Variants in TENM4 observed in about 807,000 individuals in gnomAD.
The protein encoded by TENM4 is teneurin-4.
Under a neutral mutation model 243.3 loss-of-function variants are expected in TENM4, and 82 were observed. That is an observed-to-expected ratio of 0.34 (90% CI 0.28 to 0.40). TENM4 has a LOEUF of 0.40. Ranked by LOEUF, TENM4 falls within the 10% of genes least tolerant of loss-of-function variation. The pLI is 1.00. For missense variants in TENM4, 3,138 were observed against 3,673.3 expected, an observed-to-expected ratio of 0.85 and a Z score of 3.77; for synonymous variants, 1,412 against 1,456.3, an observed-to-expected ratio of 0.97 and a Z score of 0.69.
chr11:78,885,794 G>A (rs2136283266), intron 9 of TENM4, among the ~76,000 whole-genome samples: 1 of 152,242 alleles, frequency 6.6e-6, no homozygotes. Context: ...GTGCAGTGGG[G>A]CACAACTGTA....
chr11:79,198,093 T>C (rs776424312), intron 3 of TENM4, among the ~76,000 whole-genome samples: 32 of 152,222 alleles, frequency 2.1e-4, no homozygotes, highest in Non-Finnish European at 4.0e-4. Flanking sequence ...GCCTAGCACA[T>C]TGTTTACTCA....
At chr11:79,087,268 T>G (rs1180353968) in intron 4 of TENM4, among the ~76,000 whole-genome samples, 1 of 152,168 alleles carries the variant, frequency 6.6e-6, no homozygotes, top group East Asian at 1.9e-4. Context: ...TGACTCTGAG[T>G]GCAGAGGTAT....
chr11:79,403,506 G>A (rs1005424823), intron 1 of TENM4, among the ~76,000 whole-genome samples: 2 of 152,178 alleles, frequency 1.3e-5, no homozygotes, highest in Non-Finnish European at 2.9e-5. Flanking sequence ...CAACTCACTA[G>A]TCAAATTTGA....
At chr11:78,823,371 G>A (rs951843719) in intron 12 of TENM4, among the ~76,000 whole-genome samples, 1 of 152,236 alleles carries the variant, frequency 6.6e-6, no homozygotes, top group Non-Finnish European at 1.5e-5. Context: ...CTCAGGCACA[G>A]GCTGAACGGT....
chr11:79,267,929 T>C (rs1314848254), intron 2 of TENM4, among the ~76,000 whole-genome samples: 40 of 152,216 alleles, frequency 2.6e-4, no homozygotes, highest in Admixed American at 2.6e-3. Flanking sequence ...CAATCTAACA[T>C]CCTGCTAGTG....
rs189259726 is a variant in TENM4 at position 79,133,719 on chromosome 11, C to T, written c.-66+14991G>A. 2.0e-5 allele frequency among the ~76,000 whole-genome samples: 3 copies of T among 152,136 alleles called. No individual in the cohort carries two copies. In the East Asian group the frequency reaches 5.8e-4, roughly 29 times the overall value. On this transcript the variant is annotated intron_variant, in intron 4 of 33. Transcript: ENST00000278550. ...TAACATAAGCAAGTCAATAAATGTG[C>T]TACACCACGTAAACAGAATTAAAAA...
intron 6 of TENM4, among the ~76,000 whole-genome samples, chr11:78,912,476 C>T (rs904545542): frequency 5.9e-5 from 9 of 152,164 alleles, no homozygotes; most frequent in African/African-American, 1.4e-4. Flanking sequence ...AGGCTGGTCT[C>T]GAACTCCTGA....
Position 78,903,261 on chromosome 11 carries a change from C to A in TENM4, c.749+7G>T. ...CCTCAGCCTCACCCTCCCTACCGGC[C>A]GCGCACCTGGTCTCCAGGGGGATGT... On this transcript the variant is annotated splice_region_variant and intron_variant, in intron 7 of 33. Coordinates refer to ENST00000278550, the MANE Select transcript of TENM4 (RefSeq NM_001098816.3). The A allele has an allele frequency of 6.7e-7, 1 of 1,489,584 alleles. No homozygotes were observed. The highest frequency in any genetic ancestry group is 1.3e-5 in the South Asian group (1 of 76,258). 92.3% of individuals were successfully genotyped at this position (1,489,584 alleles called of 1,614,324 possible).
At chr11:79,370,983 C>CA (rs1417820235) in intron 1 of TENM4, among the ~76,000 whole-genome samples, 1 of 151,892 alleles carries the variant, frequency 6.6e-6, no homozygotes, top group Non-Finnish European at 1.5e-5. Context: ...GATAAATGGA[C>CA]AAAGGATGTG....
chr11:78,903,430 G>C lies in TENM4; in HGVS notation c.587C>G (p.Ser196Cys). 6.5e-7 allele frequency: 1 copy of C among 1,547,674 alleles called. No homozygotes were observed. The highest frequency in any genetic ancestry group is 8.7e-7 in the Non-Finnish European group (1 of 1,145,194). The change falls in exon 7 of 34, where the codon TCC becomes TGC. Residue 196 changes from serine to cysteine, a missense_variant. Ser to Cys is a moderately radical substitution (Grantham distance 112, BLOSUM62 -1). Transcript: ENST00000278550. ...GTTGCCCCGGTTCAGGGAGTTAATG[G>C]AGGCCGCGTGGTGCTGGTTGGGGGT... The part of the protein sequence containing the change: ...AHTPNQHHAA[S>C]INSLNRGNFT...
intron 3 of TENM4, among the ~76,000 whole-genome samples, chr11:79,199,932 T>A (rs1320204636): frequency 6.6e-6 from 1 of 152,080 alleles, no homozygotes; most frequent in African/African-American, 2.4e-5. Flanking sequence ...CACCCAGCAT[T>A]CTCTGCCCTT....
intron 6 of TENM4, among the ~76,000 whole-genome samples, chr11:78,943,098 G>A (rs995345652): frequency 3.3e-5 from 5 of 152,214 alleles, no homozygotes; most frequent in Non-Finnish European, 7.3e-5. Context: ...TAGCTCCAGA[G>A]AAGAGGACTT....
intron 2 of TENM4, among the ~76,000 whole-genome samples, chr11:79,228,824 C>G (rs537493386): frequency 2.0e-5 from 3 of 152,136 alleles, no homozygotes; most frequent in Admixed American, 6.5e-5. Context: ...ATATTAACAC[C>G]TTTCATCAGT....
intron 1 of TENM4, among the ~76,000 whole-genome samples, chr11:79,314,593 T>A (rs1234998395): frequency 6.6e-6 from 1 of 152,190 alleles, no homozygotes; most frequent in Non-Finnish European, 1.5e-5. Context: ...AGTCTTTGGT[T>A]CCCGGCATAC....
chr11:78,734,650 CCTAA>C (rs1432952167), intron 20 of TENM4, among the ~76,000 whole-genome samples: 2 of 152,024 alleles, frequency 1.3e-5, no homozygotes, highest in African/African-American at 2.4e-5. Flanking sequence ...ATGGAGAACT[CCTAA>C]CTATCAAACT....
chr11:78,924,768 A>C (rs1856519151), intron 6 of TENM4: 1 of 152,214 alleles, frequency 6.6e-6, no homozygotes, highest in African/African-American at 2.4e-5. Flanking sequence ...AAACAGCAGA[A>C]ATCATTTTTT....
intron 1 of TENM4, among the ~76,000 whole-genome samples, chr11:79,398,122 T>C (rs1259296912): frequency 6.6e-6 from 1 of 152,288 alleles, no homozygotes; most frequent in East Asian, 1.9e-4. Context: ...AGACAGAAGG[T>C]AGAAAATGCA....
chr11:78,665,019 T>C (rs1321460772), intron 32 of TENM4, among the ~76,000 whole-genome samples: 1 of 152,172 alleles, frequency 6.6e-6, no homozygotes, highest in Non-Finnish European at 1.5e-5. Flanking sequence ...TCTTCCTTCT[T>C]ACCATATCAG....
At chr11:78,920,976 A>G (rs952808594) in intron 6 of TENM4, among the ~76,000 whole-genome samples, 1 of 152,160 alleles carries the variant, frequency 6.6e-6, no homozygotes, top group African/African-American at 2.4e-5. Context: ...GATCTGTGTT[A>G]CAGCACTGTG....
Sources: gnomAD v4.1 joint callset for allele counts (sites outside exome capture counted in the v4.1 genomes callset) on GRCh38, gnomAD v4.1.1 for gene constraint, MANE v1.5 for transcripts, NCBI Gene and HGNC (gene_info 2026-07-23, HGNC 2026-07-21) for gene names.